The following NCKAP5 variants were observed in gnomAD, a reference collection of about 807,000 sequenced individuals.
The protein encoded by NCKAP5 is nck-associated protein 5.
A neutral mutation model predicts 167.0 loss-of-function variants in NCKAP5; 92 were observed. The observed-to-expected ratio is 0.55, with a 90% CI of 0.47 to 0.66. NCKAP5 has a LOEUF of 0.66. Ranked by LOEUF, NCKAP5 falls within the 30% of genes least tolerant of loss-of-function variation. The pLI is 0.00. For missense variants in NCKAP5, 2,378 were observed against 2,315.0 expected, an observed-to-expected ratio of 1.03 and a Z score of -0.56; for synonymous variants, 891 against 877.4, an observed-to-expected ratio of 1.02 and a Z score of -0.27.
At chr2:133,242,296 C>A (rs189179180) in intron 4 of NCKAP5, among the ~76,000 whole-genome samples, 2 of 149,098 alleles carry the variant, frequency 1.3e-5, no homozygotes, top group Non-Finnish European at 3.0e-5. Context: ...ACAAAATCAA[C>A]TTTATCTTAT....
chr2:133,010,937 TA>T (rs1376943042), intron 6 of NCKAP5, among the ~76,000 whole-genome samples: 1 of 152,052 alleles, frequency 6.6e-6, no homozygotes, highest in Non-Finnish European at 1.5e-5. Flanking sequence ...AACTAATTTT[TA>T]AAAAAATGTC....
intron 4 of NCKAP5, among the ~76,000 whole-genome samples, chr2:133,243,307 G>A: frequency 6.6e-6 from 1 of 152,154 alleles, no homozygotes; most frequent in East Asian, 1.9e-4. Flanking sequence ...TGTATGATGA[G>A]ATTCTCAAAA....
At chr2:133,498,563 G>T (rs7595258) in intron 3 of NCKAP5, among the ~76,000 whole-genome samples, 3 of 141,016 alleles carry the variant, frequency 2.1e-5, no homozygotes, top group African/African-American at 8.0e-5. Flanking sequence ...GAGGGAAGGA[G>T]AAAAGAGGAA....
the NCKAP5 span, among the ~76,000 whole-genome samples, chr2:133,620,680 T>G: frequency 6.6e-6 from 1 of 152,080 alleles, no homozygotes; most frequent in Non-Finnish European, 1.5e-5. Context: ...GCGGGGGACT[T>G]TAATACTCCA....
At chr2:133,267,440 AAC>A (rs1285206528) in intron 4 of NCKAP5, 28 of 152,324 alleles carry the variant, frequency 1.8e-4, no homozygotes, top group African/African-American at 5.5e-4. Flanking sequence ...AGCTGGAACT[AAC>A]AGCCATTTGT....
At chr2:133,586,008 C>T in the NCKAP5 span, among the ~76,000 whole-genome samples, 1 of 152,244 alleles carries the variant, frequency 6.6e-6, no homozygotes, top group South Asian at 2.1e-4. Context: ...GCACTATTGG[C>T]CTTTGTAAGG....
chr2:133,207,251 T>C (rs559744862), intron 5 of NCKAP5, among the ~76,000 whole-genome samples: 1 of 152,264 alleles, frequency 6.6e-6, no homozygotes, highest in Non-Finnish European at 1.5e-5. Context: ...AAAATTTCTC[T>C]CTTTGTACTC....
At chr2:133,303,480 G>A (rs1680549928) in intron 3 of NCKAP5, among the ~76,000 whole-genome samples, 1 of 151,982 alleles carries the variant, frequency 6.6e-6, no homozygotes, top group East Asian at 1.9e-4. Context: ...GATTTTACTG[G>A]TCTTATGACA....
chr2:133,177,328 G>A (rs2084513144), intron 5 of NCKAP5, among the ~76,000 whole-genome samples: 1 of 152,036 alleles, frequency 6.6e-6, no homozygotes, highest in South Asian at 2.1e-4. Flanking sequence ...GGAACACTCT[G>A]TACAAAAGAT....
At chr2:133,287,059 T>A (rs1382535149) in intron 4 of NCKAP5, among the ~76,000 whole-genome samples, 1 of 152,206 alleles carries the variant, frequency 6.6e-6, no homozygotes, top group Non-Finnish European at 1.5e-5. Context: ...ATCTCAAGAA[T>A]ACCTTCCTCG....
At chr2:133,632,081 G>T in the NCKAP5 span, among the ~76,000 whole-genome samples, 3 of 152,210 alleles carry the variant, frequency 2.0e-5, no homozygotes, top group African/African-American at 7.2e-5. Context: ...TGGAGTGGAA[G>T]GCTGAAGGAT....
intron 4 of NCKAP5, among the ~76,000 whole-genome samples, chr2:133,256,816 G>A (rs964789753): frequency 6.6e-6 from 1 of 152,138 alleles, no homozygotes; most frequent in African/African-American, 2.4e-5. Flanking sequence ...TCAGGTAAGT[G>A]CCCTTTGGGG....
intron 3 of NCKAP5, among the ~76,000 whole-genome samples, chr2:133,358,535 G>A (rs958944309): frequency 3.9e-5 from 6 of 152,072 alleles, no homozygotes; most frequent in African/African-American, 9.7e-5. Context: ...CTATAATCAC[G>A]CCCTGTGCCC....
At chr2:133,408,452 A>C (rs1472272727) in intron 3 of NCKAP5, among the ~76,000 whole-genome samples, 2 of 152,130 alleles carry the variant, frequency 1.3e-5, no homozygotes, top group African/African-American at 2.4e-5. Context: ...CCTCAAGGCC[A>C]AGACCTACCC....
rs190209297 is a variant in NCKAP5, at chr2:133,425,568, C to T, written c.69+91890G>A. On this transcript the variant is annotated intron_variant, in intron 3 of 19. Coordinates refer to ENST00000409261, the MANE Select transcript of NCKAP5 (RefSeq NM_207363.3). ...GCAAAAGAAAGATAAAAAGAAGTGA[C>T]AAGCAAAAATTACTAGATGATAAAG... is the stretch of plus-strand genomic sequence containing the variant. Among the ~76,000 whole-genome samples the T allele has an allele frequency of 3.1e-3, 467 of 152,132 alleles. 6 individuals carry two copies. Among genetic ancestry groups the T allele is most frequent in the East Asian group, 7.7e-4 (4 of 5,174 alleles).
intron 13 of NCKAP5, among the ~76,000 whole-genome samples, chr2:132,786,487 C>G (rs1683579503): frequency 6.6e-6 from 1 of 152,196 alleles, no homozygotes; most frequent in South Asian, 2.1e-4. Flanking sequence ...CTGTTAGAAC[C>G]TGACAGTAAT....
At chr2:133,069,266 G>A (rs1286359702) in intron 6 of NCKAP5, among the ~76,000 whole-genome samples, 1 of 152,096 alleles carries the variant, frequency 6.6e-6, no homozygotes, top group African/African-American at 2.4e-5. Flanking sequence ...GTAAAACACT[G>A]GAAAATAAAA....
intron 11 of NCKAP5, among the ~76,000 whole-genome samples, chr2:132,824,378 G>A (rs796428873): frequency 4.6e-5 from 7 of 152,256 alleles, no homozygotes; most frequent in African/African-American, 1.7e-4. Flanking sequence ...ATAGAGAGAA[G>A]GGTTAAGAGG....
intron 2 of NCKAP5, among the ~76,000 whole-genome samples, chr2:133,557,118 A>ACG (rs1341976104): frequency 6.6e-6 from 1 of 152,226 alleles, no homozygotes; most frequent in Non-Finnish European, 1.5e-5. Context: ...AATGAAAATA[A>ACG]TATTTTTGGT....
Sources: gnomAD v4.1 joint callset for allele counts (sites outside exome capture counted in the v4.1 genomes callset) on GRCh38, gnomAD v4.1.1 for gene constraint, MANE v1.5 for transcripts, NCBI Gene and HGNC (gene_info 2026-07-23, HGNC 2026-07-21) for gene names.